The following REV1 variants were observed in gnomAD, a reference collection of about 807,000 sequenced individuals.
REV1 encodes REV1 DNA directed polymerase, also known as translesion synthesis protein REV1.
Under a neutral mutation model 137.4 loss-of-function variants are expected in REV1, and 42 were observed. The ratio of observed to expected loss-of-function variants is 0.31; its 90% CI spans 0.24 to 0.40. The LOEUF (loss-of-function observed/expected upper bound fraction) is 0.40. REV1 is among the 10% of genes least tolerant of loss of function. The pLI, the probability that REV1 is intolerant of heterozygous loss-of-function variation, is 1.00. For synonymous variants in REV1, 524 were observed against 519.2 expected (o/e 1.01, Z -0.12); for missense variants, 1,282 against 1,490.1 (o/e 0.86, Z 2.30).
intron 1 of REV1, among the ~76,000 whole-genome samples, chr2:99,475,482 A>ATTT (rs1685870379): frequency 6.6e-6 from 1 of 152,244 alleles, no homozygotes; most frequent in Non-Finnish European, 1.5e-5. Flanking sequence ...AAGAGAAGTT[A>ATTT]CTATTTATTT....
At chr2:99,476,844 C>T (rs1291963821) in intron 1 of REV1, among the ~76,000 whole-genome samples, 2 of 152,166 alleles carry the variant, frequency 1.3e-5, no homozygotes, top group African/African-American at 2.4e-5. Context: ...AAGTTGGCAC[C>T]GTCCATAACT....
In REV1 at chr2:99,440,746, C is replaced by T. The variant is rs3792142; in HGVS notation, c.504-1436G>A. Among the ~76,000 whole-genome samples, 52 of 151,862 alleles carry T rather than the reference C, an allele frequency of 3.4e-4. 1 individual carries two copies. The highest frequency in any genetic ancestry group is 3.3e-3 in the Admixed American group (51 of 15,258). On this transcript the variant is annotated intron_variant, in intron 5 of 22. Transcript: ENST00000258428. ...TACAAAATGTACTGAATATACCCCC[C>T]AAAAAAACCCCAGAAAACAACAAAA... is the stretch of plus-strand genomic sequence containing the variant.
rs717454 is a variant in REV1 at position 99,406,310 on chromosome 2, T to C, written c.2614+15A>G. ...AAGCAGCACCTAAAAAAGAACCACA[T>C]TGATGACCACCAACCTTCTTTGTGC... On this transcript the variant is annotated intron_variant, in intron 16 of 22. Coordinates refer to ENST00000258428, the MANE Select transcript of REV1 (RefSeq NM_016316.4). 663,097 of 1,596,968 alleles carry C rather than the reference T, an allele frequency of 0.42. 140,816 individuals are homozygous for C. The highest frequency in any genetic ancestry group is 0.64 in the Admixed American group (36,970 of 57,982).
chr2:99,404,349 A>T, intron 18 of REV1, 95 bp downstream of exon 18: 2 of 823,308 alleles, frequency 2.4e-6, no homozygotes, highest in Non-Finnish European at 3.9e-6. Context: ...GTGGTGTCAG[A>T]TACAGAGGAG....
chr2:99,481,626 G>A (rs930740350), intron 1 of REV1, among the ~76,000 whole-genome samples: 10 of 152,188 alleles, frequency 6.6e-5, no homozygotes, highest in African/African-American at 2.2e-4. Flanking sequence ...ACTCTGGGAG[G>A]CCAAGGCAGG....
intron 1 of REV1, among the ~76,000 whole-genome samples, chr2:99,468,482 A>G (rs2105192313): frequency 6.6e-6 from 1 of 152,252 alleles, no homozygotes; most frequent in East Asian, 1.9e-4. Flanking sequence ...GACTAAACCT[A>G]CTCACTAAGA....
chr2:99,471,161 T>C (rs1048395710), intron 1 of REV1, among the ~76,000 whole-genome samples: 1 of 152,208 alleles, frequency 6.6e-6, no homozygotes, highest in Non-Finnish European at 1.5e-5. Flanking sequence ...TTTGGTGCCC[T>C]GCCATATCTC....
intron 3 of REV1, chr2:99,451,197 T>C: frequency 2.9e-6 from 1 of 345,848 alleles, no homozygotes; most frequent in Non-Finnish European, 4.5e-6. Context: ...ATCACAGAAA[T>C]CTAAAAAATT....
intron 22 of REV1, 37 bp downstream of exon 22, chr2:99,402,207 C>CA: frequency 1.2e-6 from 1 of 866,854 alleles, no homozygotes; most frequent in Non-Finnish European, 1.8e-6. Context: ...TGTGACATGC[C>CA]ATTTTTTCCC....
intron 12 of REV1, among the ~76,000 whole-genome samples, chr2:99,413,481 C>G (rs559995026): frequency 3.9e-5 from 6 of 152,248 alleles, no homozygotes; most frequent in South Asian, 4.1e-4. Flanking sequence ...ATCACACATA[C>G]CACTGACCTG....
At chr2:99,462,679 T>TG in intron 2 of REV1, 57 bp from the exon 3 acceptor site, 1 of 1,559,552 alleles carries the variant, frequency 6.4e-7, no homozygotes, top group Non-Finnish European at 8.6e-7. Flanking sequence ...CCCCCCTTTT[T>TG]TGAAAAAAAA....
intron 9 of REV1, among the ~76,000 whole-genome samples, chr2:99,426,066 C>T (rs911844849): frequency 3.3e-5 from 5 of 150,738 alleles, no homozygotes; most frequent in African/African-American, 1.2e-4. Context: ...TGTTTATAGT[C>T]CAGGCGCGGT....
chr2:99,410,737 G>C lies in REV1; in HGVS notation c.2303C>G (p.Thr768Ser). ...AATTCCATGGCCTCCAAATTTTGCA[G>C]TTTCTACAGGAGCCCCAGGCTTTCG... Reference protein sequence around the residue: ...MVRKPGAPVETAKFGGHGICD... With the variant: ...MVRKPGAPVESAKFGGHGICD... The change falls in exon 14 of 23, where the codon ACT (threonine) becomes AGT (serine). Residue 768 changes from threonine to serine, a missense_variant. This residue lies in a region of REV1 where 372 missense variants were observed against 482.3 expected (regional missense o/e 0.77). Coordinates refer to ENST00000258428, the MANE Select transcript of REV1 (RefSeq NM_016316.4). 5 of 1,601,220 alleles carry C rather than the reference G, an allele frequency of 3.1e-6. No homozygotes were observed. Among genetic ancestry groups the C allele is most frequent in the Non-Finnish European group, 4.2e-6 (5 of 1,176,646 alleles).
chr2:99,482,532 A>G (rs1185003393), intron 1 of REV1, among the ~76,000 whole-genome samples: 1 of 152,192 alleles, frequency 6.6e-6, no homozygotes, highest in Non-Finnish European at 1.5e-5. Context: ...CCCTTAACTT[A>G]CGATGCCTTA....
In REV1 at chr2:99,404,525, T is replaced by C. The variant is rs541600895; in HGVS notation, c.2964A>G (p.Thr988=). 3.7e-6 allele frequency: 6 copies of C among 1,614,210 alleles called. No homozygotes were observed. In the African/African-American group the frequency reaches 6.7e-5, roughly 18 times the overall value. Residue 988 remains threonine (T), a synonymous_variant, in exon 18 of 23, where the codon ACA becomes ACG. Transcript: ENST00000258428. ...NTGILPQPVG[T]VLLQIPEPQE... ...GAGGTTCTGGTATTTGCAACAAGAC[T>C]GTCCCAACTGGTTGTGGCAAAATTC...
chr2:99,439,394 T>TACAC lies in REV1; in HGVS notation c.504-88_504-85dup. ...TTTCATTTCATCATTTTCTTAGTGG[T>TACAC]ACACAGTTTGGTATTTCCCCCTTTA... On this transcript the variant is annotated intron_variant, in intron 5 of 22. Transcript: ENST00000258428. 4.3e-6 allele frequency: 4 copies of TACAC among 919,990 alleles called. No homozygotes were observed. In the South Asian group the frequency reaches 7.2e-5, roughly 17 times the overall value. 57.0% of individuals were successfully genotyped at this position (919,990 alleles called of 1,614,324 possible). A position where few individuals can be genotyped will look rare whatever the true frequency, so the allele number is the denominator to read the frequency against.
chr2:99,472,608 GTGGACA>G (rs1685541492), intron 1 of REV1, among the ~76,000 whole-genome samples: 1 of 152,256 alleles, frequency 6.6e-6, no homozygotes, highest in Non-Finnish European at 1.5e-5. Context: ...GCAAGCTGCA[GTGGACA>G]GGATCTTCAG....
intron 1 of REV1, among the ~76,000 whole-genome samples, chr2:99,484,161 G>A (rs1686907642): frequency 6.6e-6 from 1 of 152,128 alleles, no homozygotes; most frequent in African/African-American, 2.4e-5. Flanking sequence ...ACTTGCAAGT[G>A]GCAGCCAAAT....
chr2:99,402,813 C>T lies in REV1; in HGVS notation c.3385-13G>A. On this transcript the variant is annotated splice_polypyrimidine_tract_variant and intron_variant, in intron 20 of 22. Coordinates refer to ENST00000258428, the MANE Select transcript of REV1 (RefSeq NM_016316.4). ...CAGAGAGTTCTTCCTGTTAAGAAAA[C>T]AAAGGATAAAATTGCTATATTCACA... The T allele has an allele frequency of 6.2e-7, 1 of 1,613,954 alleles. No homozygotes were observed. The highest frequency in any genetic ancestry group is 8.5e-7 in the Non-Finnish European group (1 of 1,179,924).
Sources: gnomAD v4.1 joint callset for allele counts (sites outside exome capture counted in the v4.1 genomes callset) on GRCh38, gnomAD v4.1.1 for gene constraint, gnomAD v4.1.1 regional missense constraint, MANE v1.5 for transcripts, NCBI Gene and HGNC (gene_info 2026-07-23, HGNC 2026-07-21) for gene names.